The following ZNF587 variants were observed in gnomAD, a reference collection of about 807,000 sequenced individuals.
ZNF587 encodes zinc finger protein zfp6.
In ZNF587, 8 loss-of-function variants were observed where a neutral mutation model predicts 7.5. That is an observed-to-expected ratio of 1.06 (90% CI 0.62 to 1.92). ZNF587 has a LOEUF of 1.92. Among genes scored for constraint, ZNF587 ranks in the 40% most tolerant of loss-of-function variants. The pLI is 0.00. For synonymous variants in ZNF587, 145 were observed against 237.8 expected (o/e 0.61, Z 3.59); for missense variants, 468 against 692.8 (o/e 0.68, Z 3.64).
In ZNF587 at chr19:57,849,883, C is replaced by G. The variant is rs1367367297; in HGVS notation, c.-156C>G. On this transcript the variant is annotated 5_prime_UTR_variant, in exon 1 of 3. Transcript: ENST00000339656. ...TAGTAGCGGCTGTGTATCGGCGATGCGGGTGTTTCCCCAGTTTGTGGCCCC... is the reference window on the plus strand; with the variant it reads ...TAGTAGCGGCTGTGTATCGGCGATGGGGGTGTTTCCCCAGTTTGTGGCCCC... 10 of 1,511,856 alleles carry G rather than the reference C, an allele frequency of 6.6e-6. No individual in the cohort carries two copies. In the East Asian group the frequency reaches 7.2e-5, roughly 11 times the overall value. The allele number at this position is 1,511,856 out of a possible 1,614,324, so 93.7% of individuals were successfully genotyped here.
At chr19:57,852,839 G>GATTT (rs2071298273) in intron 1 of ZNF587, among the ~76,000 whole-genome samples, 1 of 76,090 alleles carries the variant, frequency 1.3e-5, no homozygotes, top group African/African-American at 6.6e-5. Flanking sequence ...AGACAGCTAG[G>GATTT]CTTTTTTTTT....
rs1600117750 is a variant in ZNF587, at chr19:57,851,992, T to G, written c.33+1921T>G. 4 of 214,990 alleles carry G rather than the reference T, an allele frequency of 1.9e-5. No individual in the cohort carries two copies. In the East Asian group the frequency reaches 3.8e-4, roughly 20 times the overall value. 13.3% of individuals were successfully genotyped at this position (214,990 alleles called of 1,614,324 possible). On this transcript the variant is annotated intron_variant, in intron 1 of 2. Transcript: ENST00000339656. ...GAGCTTATCAAATCCTGTGACATGT[T>G]TGTAATGTCTGCCTTTCCCCTCAGG... is the stretch of plus-strand genomic sequence containing the variant.
At chr19:57,851,103 A>G (rs1306204639) in intron 1 of ZNF587, 1 of 152,118 alleles carries the variant, frequency 6.6e-6, no homozygotes, top group Non-Finnish European at 1.5e-5. Context: ...GAGGCCGCCC[A>G]TGGCTTCCCA....
intron 1 of ZNF587, among the ~76,000 whole-genome samples, chr19:57,852,919 C>G (rs2071300563): frequency 8.0e-6 from 1 of 124,246 alleles, no homozygotes; most frequent in South Asian, 2.9e-4. Context: ...GTGGCACAAT[C>G]TCAGCCCACT....
intron 1 of ZNF587, 66 bp downstream of exon 1, chr19:57,850,137 G>A: frequency 6.2e-7 from 1 of 1,613,862 alleles, no homozygotes; most frequent in East Asian, 2.2e-5. Context: ...ACCAGCGAGG[G>A]AGCGGCTCCT....
intron 2 of ZNF587, among the ~76,000 whole-genome samples, chr19:57,856,466 G>A (rs143312492): frequency 0.053 from 7,953 of 151,012 alleles, 300 homozygotes; most frequent in Middle Eastern, 0.078. Flanking sequence ...GGAGTACAGC[G>A]GCGCCATCTC....
Position 57,849,912 on chromosome 19 carries a change from G to C in ZNF587, c.-127G>C. ...TGTTTCCCCAGTTTGTGGCCCCTGA[G>C]TGCTGGGTGGGACCGCGGTGACTGA... On this transcript the variant is annotated 5_prime_UTR_variant, in exon 1 of 3. Coordinates refer to ENST00000339656, the MANE Select transcript of ZNF587 (RefSeq NM_032828.4). 6.3e-7 allele frequency: 1 copy of C among 1,580,038 alleles called. No homozygotes were observed. The highest frequency in any genetic ancestry group is 8.6e-7 in the Non-Finnish European group (1 of 1,162,756).
chr19:57,849,945 A>T lies in ZNF587; in HGVS notation c.-94A>T. The T allele has an allele frequency of 6.2e-7, 1 of 1,610,878 alleles. No homozygotes were observed. Among genetic ancestry groups the T allele is most frequent in the Non-Finnish European group, 8.5e-7 (1 of 1,178,374 alleles). On this transcript the variant is annotated 5_prime_UTR_variant, in exon 1 of 3. The change creates a new upstream start codon in the 5' untranslated region. Coordinates refer to ENST00000339656, the MANE Select transcript of ZNF587 (RefSeq NM_032828.4). The stretch of plus-strand genomic sequence containing the variant: ...TGGGACCGCGGTGACTGAACCTAGA[A>T]GGTGGAGAGGAATCGTCCTCGGTGC...
At chr19:57,850,666 A>G (rs2071270431) in intron 1 of ZNF587, 2 of 398,558 alleles carry the variant, frequency 5.0e-6, no homozygotes, top group East Asian at 7.1e-5. Flanking sequence ...AGAAAGAGAC[A>G]GAATACGCAT....
Position 57,864,523 on chromosome 19 carries a change from A to T in ZNF587, c.*4383A>T, listed in dbSNP as rs1351805801. ...AATAAGATTGTAAGTTACAAATAGCAAGGTACAGTCAGATGTTAACAGTCT... is the reference window on the plus strand; with the variant it reads ...AATAAGATTGTAAGTTACAAATAGCTAGGTACAGTCAGATGTTAACAGTCT... On this transcript the variant is annotated 3_prime_UTR_variant, in exon 3 of 3. Coordinates refer to ENST00000339656, the MANE Select transcript of ZNF587 (RefSeq NM_032828.4). 2 of 152,182 alleles carry T rather than the reference A, an allele frequency of 1.3e-5. No homozygotes were observed. Among genetic ancestry groups the T allele is most frequent in the East Asian group, 3.9e-4 (2 of 5,176 alleles). The allele number at this position is 152,182 out of a possible 1,614,324, so 9.4% of individuals were successfully genotyped here.
chr19:57,854,206 G>T (rs1223631169), intron 1 of ZNF587: 1 of 152,088 alleles, frequency 6.6e-6, no homozygotes, highest in Admixed American at 6.6e-5. Context: ...CCAGGGGCTG[G>T]GCTTTAAACG....
chr19:57,851,286 C>T (rs945697391), intron 1 of ZNF587: 7 of 152,206 alleles, frequency 4.6e-5, no homozygotes, highest in African/African-American at 1.7e-4. Context: ...TTTGTTAGTC[C>T]TGCAAAGACA....
chr19:57,856,266 G>A (rs2071354315), intron 2 of ZNF587, 33 bp downstream of exon 2: 9 of 1,544,106 alleles, frequency 5.8e-6, no homozygotes, highest in South Asian at 1.3e-5. Context: ...TGTGACCTGA[G>A]CTAGTGTTAC....
At position 57,860,094 on chromosome 19, in the gene ZNF587, C is replaced by T; in HGVS notation, c.1682C>T (p.Ser561Phe). ...TKCGKTFQRS[S>F]TLLHHQSSHR... ...TGTGGAAAAACATTTCAGCGAAGCT[C>T]TACCCTCCTTCATCATCAGAGTTCA... The change falls in exon 3 of 3, where the codon TCT (serine) becomes TTT (phenylalanine). Residue 561 changes from serine to phenylalanine, a missense_variant. Ser to Phe is a radical substitution (Grantham distance 155). Coordinates refer to ENST00000339656, the MANE Select transcript of ZNF587 (RefSeq NM_032828.4). 1 of 1,613,384 alleles carries T rather than the reference C, an allele frequency of 6.2e-7. No individual in the cohort carries two copies. Among genetic ancestry groups the T allele is most frequent in the Non-Finnish European group, 8.5e-7 (1 of 1,179,422 alleles).
In ZNF587 at chr19:57,855,953, C is replaced by A. The variant is rs2071349884; in HGVS notation, c.34-151C>A. ...TTGCTGATGGCATTTGACCAGCAGG[C>A]CCATGAAGAGACAAAGGCACCAGTG... On this transcript the variant is annotated intron_variant, in intron 1 of 2. Transcript: ENST00000339656. 5 of 1,349,706 alleles carry A rather than the reference C, an allele frequency of 3.7e-6. No individual in the cohort carries two copies. In the South Asian group the frequency reaches 5.8e-5, roughly 16 times the overall value. 83.6% of individuals were successfully genotyped at this position (1,349,706 alleles called of 1,614,324 possible).
chr19:57,851,539 A>T lies in ZNF587; in HGVS notation c.33+1468A>T, dbSNP rs540411893. ...TTCACCTGTTTCTGACACCAGTGGG[A>T]TGCAGTGGGGAGAGTGACAGGCACA... On this transcript the variant is annotated intron_variant, in intron 1 of 2. Transcript: ENST00000339656. 2.6e-5 allele frequency: 4 copies of T among 154,236 alleles called. No homozygotes were observed. In the South Asian group the frequency reaches 7.3e-4, roughly 28 times the overall value. 9.6% of individuals were successfully genotyped at this position (154,236 alleles called of 1,614,324 possible).
chr19:57,863,728 G>C lies in ZNF587; in HGVS notation c.*3588G>C, dbSNP rs2071467647. 6.6e-6 allele frequency: 1 copy of C among 152,036 alleles called. No homozygotes were observed. Among genetic ancestry groups the C allele is most frequent in the Non-Finnish European group, 1.5e-5 (1 of 68,018 alleles). 9.4% of individuals were successfully genotyped at this position (152,036 alleles called of 1,614,324 possible). A position where few individuals can be genotyped will look rare whatever the true frequency, so the allele number is the denominator to read the frequency against. On this transcript the variant is annotated 3_prime_UTR_variant, in exon 3 of 3. Coordinates refer to ENST00000339656, the MANE Select transcript of ZNF587 (RefSeq NM_032828.4). ...AATGTGGATAAAAGATTGTAAGTTA[G>C]AAATGGCAAGATAATCAGCTATATG...
In ZNF587 at chr19:57,856,228, C is replaced by T. The variant is rs367631275; in HGVS notation, c.158C>T (p.Ser53Leu). ...CTAGAGAACCTGGCTCTCATATCCT[C>T]GCTGGGTAAGTTGCTCACGCTCACC... ...VMLENLALIS[S>L]LGCWCGSKDE... The change falls in exon 2 of 3, where the codon TCG becomes TTG. Residue 53 changes from serine to leucine, a missense_variant. This residue lies in a region of ZNF587 where 92 missense variants were observed against 89.7 expected (regional missense o/e 1.03). Transcript: ENST00000339656. The T allele has an allele frequency of 2.3e-5, 37 of 1,577,798 alleles. No homozygotes were observed. Among genetic ancestry groups the T allele is most frequent in the East Asian group, 4.5e-5 (2 of 44,386 alleles).
In ZNF587 at chr19:57,862,216, C is replaced by G. The variant is rs556690919; in HGVS notation, c.*2076C>G. On this transcript the variant is annotated 3_prime_UTR_variant, in exon 3 of 3. Transcript: ENST00000339656. ...GCCACCATAGCTTTCTTTTCAACATCTTTCTAAGATTACCTTACTATTTCT... is the reference window on the plus strand; with the variant it reads ...GCCACCATAGCTTTCTTTTCAACATGTTTCTAAGATTACCTTACTATTTCT... 6 of 152,366 alleles carry G rather than the reference C, an allele frequency of 3.9e-5. No individual in the cohort carries two copies. Among genetic ancestry groups the G allele is most frequent in the African/African-American group, 1.4e-4 (6 of 41,582 alleles). 9.4% of individuals were successfully genotyped at this position (152,366 alleles called of 1,614,324 possible). A position where few individuals can be genotyped will look rare whatever the true frequency, so the allele number is the denominator to read the frequency against.
Sources: gnomAD v4.1 joint callset for allele counts (sites outside exome capture counted in the v4.1 genomes callset) on GRCh38, gnomAD v4.1.1 for gene constraint, gnomAD v4.1.1 regional missense constraint, MANE v1.5 for transcripts, NCBI Gene and HGNC (gene_info 2026-07-23, HGNC 2026-07-21) for gene names.